PRH1: variants seen among roughly 807,000 people sequenced by gnomAD.
PRH1 encodes proline rich protein HaeIII subfamily 1, also known as salivary acidic proline-rich phosphoprotein 1/2.
In PRH1, 7 loss-of-function variants were observed where a neutral mutation model predicts 7.9. The ratio of observed to expected loss-of-function variants is 0.89; its 90% CI spans 0.50 to 1.67. The LOEUF is 1.67. Among genes scored for constraint, PRH1 ranks in the 40% most tolerant of loss-of-function variants. PRH1 has a pLI of 0.00. For synonymous variants in PRH1, 45 were observed against 80.8 expected (o/e 0.56, Z 2.38); for missense variants, 109 against 223.6 (o/e 0.49, Z 3.27).
intron 1 of PRH1, among the ~76,000 whole-genome samples, chr12:11,007,340 T>G (rs1435697103): frequency 6.6e-6 from 1 of 152,098 alleles, no homozygotes; most frequent in Non-Finnish European, 1.5e-5. Flanking sequence ...AAGGAATTAT[T>G]TTCTTTTAAT....
intron 2 of PRH1, among the ~76,000 whole-genome samples, chr12:10,969,493 A>G (rs1938685400): frequency 6.6e-6 from 1 of 152,142 alleles, no homozygotes; most frequent in African/African-American, 2.4e-5. Flanking sequence ...TCCTGCTCCT[A>G]TCACCTTCAC....
At position 11,025,754 on chromosome 12, in the gene PRH1, A is replaced by C. The variant is rs575804595; in HGVS notation, c.-126+21266T>G. ...CTTCTATGCTTCATTCTGTGTAGCT[A>C]TCTTCCAATTCACTTATTCTCTCTT... On this transcript the variant is annotated intron_variant, in intron 1 of 3. Coordinates refer to the PRH1 transcript ENST00000539853. Among the ~76,000 whole-genome samples the C allele has an allele frequency of 9.4e-4, 143 of 152,360 alleles. 1 individual carries two copies. The Middle Eastern group carries it at 0.014, about 14-fold the overall frequency.
In PRH1 at chr12:11,090,376, A is replaced by T. The variant is rs568892667; in HGVS notation, n.124-43188T>A. ...AGTTTAGAAGGAATTTTACAAACGGAAGGTAAGGATATAATTAGCAAATCA... is the reference window on the plus strand; with the variant it reads ...AGTTTAGAAGGAATTTTACAAACGGTAGGTAAGGATATAATTAGCAAATCA... On this transcript the variant is annotated intron_variant and non_coding_transcript_variant, in intron 1 of 4. Transcript: ENST00000541977. Among the ~76,000 whole-genome samples the T allele has an allele frequency of 7.7e-4, 90 of 116,822 alleles. 22 individuals are homozygous for T. Among genetic ancestry groups the T allele is most frequent in the Non-Finnish European group, 1.6e-3 (79 of 49,204 alleles). 76.6% of individuals were successfully genotyped at this position (116,822 alleles called of 152,430 possible).
intron 1 of PRH1, among the ~76,000 whole-genome samples, chr12:11,076,310 T>C (rs1480464514): frequency 8.4e-6 from 1 of 119,726 alleles, no homozygotes; most frequent in African/African-American, 2.9e-5. Context: ...ACATTTCCTA[T>C]CATCAATATA....
At chr12:11,059,093 C>T (rs1437158790) in intron 1 of PRH1, among the ~76,000 whole-genome samples, 1 of 152,158 alleles carries the variant, frequency 6.6e-6, no homozygotes, top group Non-Finnish European at 1.5e-5. Context: ...GTAGTTCTGC[C>T]TCAGGGAAAC....
intron 1 of PRH1, among the ~76,000 whole-genome samples, chr12:11,014,898 T>C (rs1411096419): frequency 6.6e-6 from 1 of 151,966 alleles, no homozygotes; most frequent in African/African-American, 2.4e-5. Context: ...CCACCAGGAA[T>C]GTCAGGTGGC....
At chr12:11,054,318 A>G (rs1282361497) in intron 1 of PRH1, among the ~76,000 whole-genome samples, 2 of 152,204 alleles carry the variant, frequency 1.3e-5, no homozygotes, top group Non-Finnish European at 2.9e-5. Context: ...CCACTTTTAT[A>G]TGAACTTACA....
chr12:10,943,998 T>C (rs1258306046), intron 2 of PRH1, among the ~76,000 whole-genome samples: 1 of 152,210 alleles, frequency 6.6e-6, no homozygotes, highest in African/African-American at 2.4e-5. Flanking sequence ...TGAAGTTGGG[T>C]AATGTGATTC....
At chr12:10,881,210 T>G (rs1288394607) in intron 3 of PRH1, among the ~76,000 whole-genome samples, 154 bp from the exon 4 acceptor site, 2 of 152,202 alleles carry the variant, frequency 1.3e-5, no homozygotes, top group Non-Finnish European at 2.9e-5. Context: ...TTAGTAATAT[T>G]TTCTTTGTTC....
intron 1 of PRH1, among the ~76,000 whole-genome samples, chr12:10,983,441 C>G (rs924413102): frequency 1.3e-5 from 2 of 152,200 alleles, no homozygotes; most frequent in South Asian, 4.1e-4. Flanking sequence ...TGACTGTCTT[C>G]TCTTTTCTTG....
chr12:10,914,751 G>A, intron 2 of PRH1, among the ~76,000 whole-genome samples: 1 of 152,192 alleles, frequency 6.6e-6, no homozygotes, highest in Non-Finnish European at 1.5e-5. Flanking sequence ...AGAAAGAAGA[G>A]TCTAGAAACT....
chr12:11,145,468 C>G (rs2136406253), intron 1 of PRH1, among the ~76,000 whole-genome samples: 1 of 152,282 alleles, frequency 6.6e-6, no homozygotes, highest in Non-Finnish European at 1.5e-5. Context: ...GCTAGGATTA[C>G]AGGTGTGAGC....
At position 10,930,407 on chromosome 12, in the gene PRH1, T is replaced by C. The variant is rs143497885; in HGVS notation, c.-59+43248A>G. 1.6e-3 allele frequency: 2,451 copies of C among 1,507,488 alleles called. 9 individuals carry two copies. The highest frequency in any genetic ancestry group is 1.7e-3 in the Non-Finnish European group (1,826 of 1,087,376). 93.4% of individuals were successfully genotyped at this position (1,507,488 alleles called of 1,614,324 possible). A position where few individuals can be genotyped will look rare whatever the true frequency, so the allele number is the denominator to read the frequency against. ...ATCATCCTTGTCAGGAATTGGCTAA[T>C]ATCAGTGCCCCAGAGATATAAACAG... On this transcript the variant is annotated intron_variant, in intron 2 of 3. Coordinates refer to the PRH1 transcript ENST00000539853.
chr12:10,936,756 A>G (rs3851583), intron 2 of PRH1, among the ~76,000 whole-genome samples: 36,933 of 152,012 alleles, frequency 0.24, 4,578 homozygotes, highest in Admixed American at 0.27. Flanking sequence ...CTATTGTACT[A>G]CGGCCTCACT....
At chr12:10,892,650 T>A (rs1029373032) in intron 2 of PRH1, among the ~76,000 whole-genome samples, 14 of 152,098 alleles carry the variant, frequency 9.2e-5, no homozygotes, top group Admixed American at 2.6e-4. Context: ...AGAAGTAAAA[T>A]CTAAAATTGT....
At chr12:11,056,690 C>T (rs772662522) in intron 1 of PRH1, among the ~76,000 whole-genome samples, 5 of 151,954 alleles carry the variant, frequency 3.3e-5, no homozygotes, top group Admixed American at 6.6e-5. Context: ...TGGTGGTGCC[C>T]GTCTGTAATC....
At chr12:10,986,700 G>A in intron 1 of PRH1, 1 of 1,612,442 alleles carries the variant, frequency 6.2e-7, no homozygotes, top group Non-Finnish European at 8.5e-7. Flanking sequence ...ACCAATTCTG[G>A]AGACCGCCAG....
chr12:11,075,874 C>G (rs1944268137), intron 1 of PRH1, among the ~76,000 whole-genome samples: 1 of 119,002 alleles, frequency 8.4e-6, no homozygotes, highest in Non-Finnish European at 2.0e-5. Flanking sequence ...TCCATTTATC[C>G]AACCACTAAT....
At chr12:11,112,638 C>G (rs954209567) in intron 1 of PRH1, among the ~76,000 whole-genome samples, 1 of 152,084 alleles carries the variant, frequency 6.6e-6, no homozygotes, top group Non-Finnish European at 1.5e-5. Flanking sequence ...AAACTAGGTA[C>G]TGATGGAATG....
Sources: allele counts gnomAD v4.1 joint callset (sites outside exome capture counted in the v4.1 genomes callset), GRCh38; gene constraint gnomAD v4.1.1; transcripts MANE v1.5; gene names NCBI Gene and HGNC (gene_info 2026-07-23, HGNC 2026-07-21).